The following CNBD1 variants were observed in gnomAD, a reference collection of about 807,000 sequenced individuals.
The protein encoded by CNBD1 is cyclic nucleotide binding domain containing 1, also known as cyclic nucleotide-binding domain-containing protein 1.
A neutral mutation model predicts 54.4 loss-of-function variants in CNBD1; 71 were observed. The observed-to-expected ratio is 1.30, with a 90% CI of 1.08 to 1.59. The LOEUF is 1.59. CNBD1 is among the 40% of genes most tolerant of loss of function. The pLI is 0.00. For synonymous variants in CNBD1, 182 were observed against 170.7 expected (o/e 1.07, Z -0.51); for missense variants, 659 against 518.0 (o/e 1.27, Z -2.64).
At chr8:87,234,802 A>G (rs1807538732) in intron 5 of CNBD1, among the ~76,000 whole-genome samples, 1 of 152,166 alleles carries the variant, frequency 6.6e-6, no homozygotes, top group Non-Finnish European at 1.5e-5. Context: ...GTATGTCATC[A>G]TCAACCTCTC....
intron 1 of CNBD1, among the ~76,000 whole-genome samples, chr8:86,882,102 CCATT>C (rs1298869744): frequency 2.6e-5 from 4 of 152,024 alleles, no homozygotes; most frequent in Non-Finnish European, 5.9e-5. Context: ...CTAGGCAATA[CCATT>C]CAGAGGCATG....
rs1808700962 is a variant in CNBD1, at chr8:87,286,539, G to GA, written c.916dup (p.Ile306AsnfsTer4). ...ATTTGATAATGACATTCTGTTTTAG[G>GA]AAAAAATAAAACTTGAAAATATGCA... On this transcript the variant is annotated frameshift_variant and splice_region_variant, in exon 8 of 11. Transcript: ENST00000518476. LOFTEE classifies it high-confidence loss of function. The GA allele has an allele frequency of 7.1e-7, 1 of 1,406,918 alleles. No individual in the cohort carries two copies. The highest frequency in any genetic ancestry group is 2.1e-5 in the Admixed American group (1 of 46,956). The allele number at this position is 1,406,918 out of a possible 1,614,324, so 87.2% of individuals were successfully genotyped here. A position where few individuals can be genotyped will look rare whatever the true frequency, so the allele number is the denominator to read the frequency against.
At chr8:87,348,358 T>C (rs1310809564) in intron 8 of CNBD1, among the ~76,000 whole-genome samples, 1 of 152,194 alleles carries the variant, frequency 6.6e-6, no homozygotes, top group African/African-American at 2.4e-5. Context: ...CGCATTGGTA[T>C]GGACTGTTAC....
chr8:87,027,161 A>T (rs1809665978), intron 4 of CNBD1, among the ~76,000 whole-genome samples: 1 of 146,202 alleles, frequency 6.8e-6, no homozygotes, highest in African/African-American at 2.6e-5. Context: ...TGATAGTAAT[A>T]CAAACTCACC....
At chr8:87,130,731 C>T (rs547246384) in intron 4 of CNBD1, among the ~76,000 whole-genome samples, 174 of 149,914 alleles carry the variant, frequency 1.2e-3, no homozygotes, top group African/African-American at 4.2e-3. Context: ...GAGCTGAGAT[C>T]ACCTTACTGC....
intron 3 of CNBD1, among the ~76,000 whole-genome samples, chr8:86,906,944 C>T (rs1321072943): frequency 6.6e-6 from 1 of 152,130 alleles, no homozygotes; most frequent in Non-Finnish European, 1.5e-5. Context: ...ATACACTATA[C>T]TAATTAAGAT....
At chr8:87,388,438 A>G (rs112988903) in intron 2 of CNBD1, among the ~76,000 whole-genome samples, 2,837 of 152,214 alleles carry the variant, frequency 0.019, 88 homozygotes, top group African/African-American at 0.062. Context: ...GATCCCACAG[A>G]AATACAAACT....
At position 86,919,929 on chromosome 8, in the gene CNBD1, GATCCTA is replaced by G. The variant is rs1299342249; in HGVS notation, c.272+14738_272+14743del. 2.6e-5 allele frequency among the ~76,000 whole-genome samples: 4 copies of G among 152,006 alleles called. No homozygotes were observed. In the East Asian group the frequency reaches 7.7e-4, roughly 29 times the overall value. On this transcript the variant is annotated intron_variant, in intron 3 of 10. Coordinates refer to ENST00000518476, the MANE Select transcript of CNBD1 (RefSeq NM_173538.3). ...CTGTGTTTCTAACAAGCTACCAGCTGATCCTAATGATACTGGTTCATGGACCACAAT... is the reference window on the plus strand; with the variant it reads ...CTGTGTTTCTAACAAGCTACCAGCTGATGATACTGGTTCATGGACCACAAT...
intron 8 of CNBD1, among the ~76,000 whole-genome samples, chr8:87,341,676 C>T (rs1477554840): frequency 6.6e-6 from 1 of 152,226 alleles, no homozygotes; most frequent in African/African-American, 2.4e-5. Context: ...CTCTTGCTCT[C>T]TCTTTTCCTT....
At chr8:86,968,299 A>G (rs1401378308) in intron 4 of CNBD1, among the ~76,000 whole-genome samples, 1 of 152,124 alleles carries the variant, frequency 6.6e-6, no homozygotes, top group South Asian at 2.1e-4. Context: ...TATACTCATC[A>G]TGAGGGCCTG....
intron 2 of CNBD1, among the ~76,000 whole-genome samples, chr8:87,401,140 T>C (rs1311294223): frequency 2.6e-5 from 4 of 152,012 alleles, no homozygotes; most frequent in Non-Finnish European, 5.9e-5. Context: ...ATAAATATAA[T>C]CTTTGGATAT....
At chr8:87,187,605 C>T (rs991005728) in intron 4 of CNBD1, among the ~76,000 whole-genome samples, 1 of 151,830 alleles carries the variant, frequency 6.6e-6, no homozygotes. Context: ...ACAAAGAAAG[C>T]CCCTCAAGTC....
At position 87,157,581 on chromosome 8, in the gene CNBD1, T is replaced by TA. The variant is rs1267303998; in HGVS notation, c.432-48405dup. ...TGCAGCAGAATAAGCTTGGCAGATA[T>TA]AAAAAAACATTTATGTTCCTCCTTC... On this transcript the variant is annotated intron_variant, in intron 4 of 10. Transcript: ENST00000518476. Among the ~76,000 whole-genome samples the TA allele has an allele frequency of 7.2e-5, 11 of 152,248 alleles. No homozygotes were observed. In the East Asian group the frequency reaches 1.2e-3, roughly 16 times the overall value.
intron 8 of CNBD1, among the ~76,000 whole-genome samples, chr8:87,303,510 G>A (rs184033872): frequency 5.9e-5 from 9 of 151,960 alleles, no homozygotes; most frequent in East Asian, 1.9e-4. Context: ...AGACTTAAAT[G>A]TTAGACCTAA....
chr8:87,390,925 G>A (rs928173958), intron 2 of CNBD1, among the ~76,000 whole-genome samples: 3 of 152,116 alleles, frequency 2.0e-5, no homozygotes, highest in African/African-American at 7.2e-5. Flanking sequence ...AAAACGATGA[G>A]TTCATATCCT....
intron 3 of CNBD1, chr8:87,428,619 T>C (rs1808090519): frequency 2.2e-6 from 1 of 452,646 alleles, no homozygotes. Flanking sequence ...CAGATGTAAG[T>C]AAAATGTTCA....
At chr8:86,980,889 A>G (rs542928247) in intron 4 of CNBD1, among the ~76,000 whole-genome samples, 1 of 152,216 alleles carries the variant, frequency 6.6e-6, no homozygotes, top group South Asian at 2.1e-4. Context: ...GGTAGCAAAG[A>G]CTCTTCTCTC....
chr8:86,955,607 G>A (rs1377914656), intron 4 of CNBD1, among the ~76,000 whole-genome samples: 2 of 151,566 alleles, frequency 1.3e-5, no homozygotes, highest in Non-Finnish European at 2.9e-5. Context: ...TTTTTCATAT[G>A]TCTGTTGGCT....
At chr8:87,241,301 C>T (rs1333495904) in intron 6 of CNBD1, among the ~76,000 whole-genome samples, 35 of 112,652 alleles carry the variant, frequency 3.1e-4, no homozygotes, top group Middle Eastern at 7.7e-3. Context: ...TGAGGAGTCT[C>T]GCTCTGTCGC....
Sources: gnomAD v4.1 joint callset for allele counts (sites outside exome capture counted in the v4.1 genomes callset) on GRCh38, gnomAD v4.1.1 for gene constraint, MANE v1.5 for transcripts, NCBI Gene and HGNC (gene_info 2026-07-23, HGNC 2026-07-21) for gene names.